The following CYREN variants were observed in gnomAD, a reference collection of about 807,000 sequenced individuals.
The protein encoded by CYREN is cell cycle regulator of NHEJ.
In CYREN, 7 loss-of-function variants were observed where a neutral mutation model predicts 9.7. The observed-to-expected ratio is 0.72, with a 90% CI of 0.41 to 1.36. The LOEUF (loss-of-function observed/expected upper bound fraction) is 1.36, where lower values mean the gene tolerates loss of function less well. Among genes scored for constraint, CYREN ranks in the 40% most tolerant of loss-of-function variants. The pLI, the probability that CYREN is intolerant of heterozygous loss-of-function variation, is 0.01. For missense variants in CYREN, 215 were observed against 198.1 expected (o/e 1.09, Z -0.51); for synonymous variants, 76 against 77.9 (o/e 0.98, Z 0.13).
Position 135,115,651 on chromosome 7 carries a change from C to T in CYREN, n.357-21069G>A, listed in dbSNP as rs114250710. ...TTTTATCACTCTTATCTATTTAACACATCTTTTTTAAAAAAGCAGGGCTTA... is the reference window on the plus strand; with the variant it reads ...TTTTATCACTCTTATCTATTTAACATATCTTTTTTAAAAAAGCAGGGCTTA... On this transcript the variant is annotated intron_variant and non_coding_transcript_variant, in intron 2 of 2. Coordinates refer to the CYREN transcript ENST00000459937. 2.6e-3 allele frequency: 3,680 copies of T among 1,408,932 alleles called. 67 individuals are homozygous for T. The African/African-American group carries it at 0.046, about 18-fold the overall frequency. The allele number at this position is 1,408,932 out of a possible 1,614,324, so 87.3% of individuals were successfully genotyped here. A position where few individuals can be genotyped will look rare whatever the true frequency, so the allele number is the denominator to read the frequency against.
At chr7:135,133,107 GAATT>G (rs937769820) in intron 2 of CYREN, among the ~76,000 whole-genome samples, 21 of 151,082 alleles carry the variant, frequency 1.4e-4, no homozygotes, top group Non-Finnish European at 1.8e-4. Context: ...ACAACCTTTA[GAATT>G]AATAAGTTAT....
chr7:135,092,903 TTAA>T (rs1822063592), exon 3 of CYREN: 1 of 151,992 alleles, frequency 6.6e-6, no homozygotes, highest in Non-Finnish European at 1.5e-5. Flanking sequence ...ATATACCATG[TTAA>T]TAGAATATAA....
chr7:135,108,862 A>C (rs1482766149), intron 2 of CYREN, among the ~76,000 whole-genome samples: 1 of 152,136 alleles, frequency 6.6e-6, no homozygotes, highest in East Asian at 1.9e-4. Context: ...CATGTTTCTC[A>C]GAGGTTTTGT....
chr7:135,094,352 AG>A, exon 3 of CYREN: 1 of 456,608 alleles, frequency 2.2e-6, no homozygotes, highest in Non-Finnish European at 4.4e-6. Context: ...AGACGAATCC[AG>A]GGAGTCACTG....
intron 2 of CYREN, among the ~76,000 whole-genome samples, chr7:135,118,455 T>A (rs1270072477): frequency 6.6e-6 from 1 of 152,152 alleles, no homozygotes; most frequent in Non-Finnish European, 1.5e-5. Context: ...CTGGTGTCAA[T>A]GGGGTCCAGA....
intron 2 of CYREN, among the ~76,000 whole-genome samples, chr7:135,147,610 C>CA (rs1367705666): frequency 6.6e-6 from 1 of 152,142 alleles, no homozygotes; most frequent in African/African-American, 2.4e-5. Flanking sequence ...GCTCAGGACA[C>CA]AAAGTTTTGT....
chr7:135,164,603 G>C, downstream of CYREN: 2 of 1,614,236 alleles, frequency 1.2e-6, no homozygotes, highest in Non-Finnish European at 1.7e-6. Flanking sequence ...ACTTCTGCCT[G>C]TGGAATGAGG....
At chr7:135,171,417 A>G (rs1243573345), upstream of CYREN, among the ~76,000 whole-genome samples, 2 of 152,154 alleles carry the variant, frequency 1.3e-5, no homozygotes, top group Admixed American at 6.5e-5. Context: ...CTAGTAGTTA[A>G]AAATCAACTC....
chr7:135,140,740 T>C (rs1829437398), intron 2 of CYREN, among the ~76,000 whole-genome samples: 1 of 152,094 alleles, frequency 6.6e-6, no homozygotes, highest in Admixed American at 6.6e-5. Context: ...GTTGCCTTGA[T>C]CCCTAGTTTG....
At chr7:135,107,095 T>C (rs573431563) in intron 2 of CYREN, among the ~76,000 whole-genome samples, 3 of 152,272 alleles carry the variant, frequency 2.0e-5, no homozygotes, top group African/African-American at 7.2e-5. Context: ...TTGGATCTTC[T>C]CTCTTTTCTT....
intron 2 of CYREN, among the ~76,000 whole-genome samples, chr7:135,126,898 C>T (rs185045897): frequency 6.6e-6 from 1 of 152,236 alleles, no homozygotes; most frequent in Admixed American, 6.5e-5. Flanking sequence ...AAATGTAAAA[C>T]CCAAAACCAG....
At chr7:135,158,941 G>A (rs1053566486) in intron 2 of CYREN, among the ~76,000 whole-genome samples, 1 of 152,250 alleles carries the variant, frequency 6.6e-6, no homozygotes, top group Non-Finnish European at 1.5e-5. Flanking sequence ...TTCCTTTCTG[G>A]AGCAATGCCT....
chr7:135,134,790 C>T, intron 2 of CYREN: 1 of 1,468,452 alleles, frequency 6.8e-7, no homozygotes, highest in Admixed American at 2.1e-5. Flanking sequence ...CCTAGGACTA[C>T]AAAGTAGGTC....
chr7:135,112,306 G>A (rs10155910), intron 2 of CYREN, among the ~76,000 whole-genome samples: 77,681 of 152,006 alleles, frequency 0.51, 20,128 homozygotes, highest in South Asian at 0.66. Flanking sequence ...ATTTTCTTGC[G>A]TAAAATCTTC....
chr7:135,103,021 A>C (rs946839950), intron 2 of CYREN, among the ~76,000 whole-genome samples: 1 of 152,326 alleles, frequency 6.6e-6, no homozygotes, highest in Middle Eastern at 3.4e-3. Flanking sequence ...ACAACCAATA[A>C]AGGCCTTGTT....
chr7:135,111,224 C>G (rs965992595), intron 2 of CYREN, among the ~76,000 whole-genome samples: 2 of 152,182 alleles, frequency 1.3e-5, no homozygotes, highest in Non-Finnish European at 2.9e-5. Context: ...CAGCAGTGCT[C>G]TAGATCCCAT....
intron 2 of CYREN, chr7:135,129,720 G>A (rs1002994718): frequency 1.3e-6 from 1 of 743,626 alleles, no homozygotes; most frequent in South Asian, 1.4e-5. Context: ...TATGGAAGTG[G>A]ATTGGTTTTC....
At chr7:135,119,729 T>C (rs1400067460) in intron 2 of CYREN, among the ~76,000 whole-genome samples, 1 of 151,928 alleles carries the variant, frequency 6.6e-6, no homozygotes, top group African/African-American at 2.4e-5. Context: ...TACAAAAAAT[T>C]AGCTGGGCGT....
chr7:135,135,081 T>C, intron 2 of CYREN: 1 of 1,551,240 alleles, frequency 6.4e-7, no homozygotes, highest in South Asian at 1.2e-5. Flanking sequence ...AGTGGGAGAC[T>C]GCTTCTTCAA....
Sources: allele counts gnomAD v4.1 joint callset (sites outside exome capture counted in the v4.1 genomes callset), GRCh38; gene constraint gnomAD v4.1.1; transcripts MANE v1.5; gene names NCBI Gene and HGNC (gene_info 2026-07-23, HGNC 2026-07-21).